CFAP47: variants seen among roughly 807,000 people sequenced by gnomAD.
CFAP47 encodes cilia and flagella associated protein 47.
CFAP47 carries 29 observed loss-of-function variants against 148.1 expected under a neutral mutation model. That is an observed-to-expected ratio of 0.20 (90% CI 0.15 to 0.27). CFAP47 has a LOEUF of 0.27. CFAP47 is among the 10% of genes least tolerant of loss of function. The pLI, the probability that CFAP47 is intolerant of heterozygous loss-of-function variation, is 1.00. For missense variants in CFAP47, 1,872 were observed against 1,697.5 expected, an observed-to-expected ratio of 1.10 and a Z score of -1.81; for synonymous variants, 664 against 577.3, an observed-to-expected ratio of 1.15 and a Z score of -2.15.
At chrX:36,150,294 C>T (rs1939292747) in intron 37 of CFAP47, among the ~76,000 whole-genome samples, 2 of 111,522 alleles carry the variant, frequency 1.8e-5, no homozygotes, top group African/African-American at 6.5e-5. Context: ...GTGAGTCTTC[C>T]CAGATCAACA....
chrX:35,943,991 A>G (rs1455295744), intron 3 of CFAP47, among the ~76,000 whole-genome samples: 2 of 111,291 alleles, frequency 1.8e-5, no homozygotes, highest in African/African-American at 3.3e-5. Context: ...AGAGCCTTAC[A>G]TATCATTTCT....
chrX:36,326,569 T>A (rs911605384), intron 57 of CFAP47, among the ~76,000 whole-genome samples: 2 of 111,668 alleles, frequency 1.8e-5, no homozygotes, highest in Non-Finnish European at 3.8e-5. Flanking sequence ...GAGGAACTTA[T>A]TAGGAACTGG....
At chrX:36,027,787 G>A (rs1036805417) in intron 22 of CFAP47, among the ~76,000 whole-genome samples, 2 of 111,383 alleles carry the variant, frequency 1.8e-5, no homozygotes, top group Non-Finnish European at 3.8e-5. Context: ...GTATATAAGT[G>A]TTCACTTTTT....
rs73468992 is a variant in CFAP47, at chrX:36,072,416, G to A, written c.4465+445G>A. On this transcript the variant is annotated intron_variant, in intron 28 of 63. Coordinates refer to ENST00000378653, the MANE Select transcript of CFAP47 (RefSeq NM_001304548.2). ...TGCAGAACTAAGGACTTGTCTCTTC[G>A]TTGTCTAACTAACTGTAGCCAAGGT... is the stretch of plus-strand genomic sequence containing the variant. Among the ~76,000 whole-genome samples, 1,066 of 112,028 alleles carry A rather than the reference G, an allele frequency of 9.5e-3. 8 individuals carry two copies. Among genetic ancestry groups the A allele is most frequent in the African/African-American group, 0.033 (1,006 of 30,866 alleles).
intron 21 of CFAP47, 62 bp from the exon 22 acceptor site, chrX:36,014,712 A>G: frequency 3.5e-6 from 1 of 285,625 alleles, no homozygotes; most frequent in Admixed American, 6.2e-5. Context: ...TGGCTAAATA[A>G]ATAGTATCCC....
Position 35,975,253 on chromosome X carries a change from T to C in CFAP47, c.2361T>C (p.Thr787=), listed in dbSNP as rs1397450762. The change falls in exon 14 of 64, where the codon ACT becomes ACC. Residue 787 remains threonine, a synonymous_variant. Coordinates refer to ENST00000378653, the MANE Select transcript of CFAP47 (RefSeq NM_001304548.2). ...LPMHVLLQLD[T]DLEELQKTNQ... is the part of the protein sequence containing the mutation. ...TGCATGTTTTGCTCCAGTTAGATAC[T>C]GATTTAGAAGAACTTCAGAAGACCA... 1 of 1,200,229 alleles carries C rather than the reference T, an allele frequency of 8.3e-7. No homozygotes were observed. Among genetic ancestry groups the C allele is most frequent in the Non-Finnish European group, 1.1e-6 (1 of 885,492 alleles).
At chrX:36,350,001 C>T (rs1556017194) in intron 58 of CFAP47, 37 bp from the exon 59 acceptor site, 1 of 847,320 alleles carries the variant, frequency 1.2e-6, no homozygotes, top group South Asian at 2.5e-5. Flanking sequence ...TGGAGTTTCT[C>T]CTTTTGTTCC....
intron 60 of CFAP47, among the ~76,000 whole-genome samples, chrX:36,359,890 A>G (rs1411610069): frequency 9.0e-6 from 1 of 111,027 alleles, no homozygotes; most frequent in Non-Finnish European, 1.9e-5. Context: ...AGCTGGGACT[A>G]CAGGTGCCCG....
Position 36,228,702 on chromosome X carries a change from T to A in CFAP47, c.6892T>A (p.Leu2298Met). 1.9e-6 allele frequency: 1 copy of A among 525,504 alleles called. No individual in the cohort carries two copies. The highest frequency in any genetic ancestry group is 3.5e-6 in the Non-Finnish European group (1 of 286,467). The allele number at this position is 525,504 out of a possible 1,213,427, so 43.3% of individuals were successfully genotyped here. ...QSGRYPCKIL[L>M]KSRYDVRAYY... ...TGGACGCTACCCTTGTAAAATTTTA[T>A]TGAAATCAAGGTATGATGTGCGTGC... Residue 2298 changes from leucine (L) to methionine (M), a missense_variant, in exon 46 of 64, where the codon TTG (leucine) becomes ATG (methionine). Leu to Met is a conservative substitution (Grantham distance 15, BLOSUM62 2). Coordinates refer to ENST00000378653, the MANE Select transcript of CFAP47 (RefSeq NM_001304548.2).
chrX:35,998,378 C>G (rs1426918757), intron 19 of CFAP47, among the ~76,000 whole-genome samples: 1 of 111,410 alleles, frequency 9.0e-6, no homozygotes, highest in East Asian at 2.8e-4. Flanking sequence ...AAGAAACTTT[C>G]CTTGATTCTT....
chrX:36,329,127 A>C (rs1232683724), intron 57 of CFAP47, among the ~76,000 whole-genome samples: 1 of 111,656 alleles, frequency 9.0e-6, no homozygotes, highest in Non-Finnish European at 1.9e-5. Context: ...TATTAAATAC[A>C]AACAGAAAAT....
At chrX:36,053,624 G>T (rs1937532004) in intron 26 of CFAP47, among the ~76,000 whole-genome samples, 1 of 111,445 alleles carries the variant, frequency 9.0e-6, no homozygotes, top group Non-Finnish European at 1.9e-5. Context: ...GTTTGTAATG[G>T]CACCTTCATC....
intron 48 of CFAP47, among the ~76,000 whole-genome samples, chrX:36,247,454 T>C (rs1259576437): frequency 9.0e-6 from 1 of 110,853 alleles, no homozygotes; most frequent in East Asian, 2.8e-4. Flanking sequence ...AACTTAAAAA[T>C]TAATAATTAT....
In CFAP47 at chrX:36,287,429, T is replaced by G. The variant is rs782098890; in HGVS notation, c.7686+1703T>G. ...TATATATTTCTAATTGCTATCATTT[T>G]TGCTTTTATTATTCGTTATGAACAG... is the stretch of plus-strand genomic sequence containing the variant. On this transcript the variant is annotated intron_variant, in intron 51 of 63. Transcript: ENST00000378653. Among the ~76,000 whole-genome samples the G allele has an allele frequency of 6.4e-3, 718 of 111,909 alleles. 1 individual carries two copies. Among genetic ancestry groups the G allele is most frequent in the African/African-American group, 0.022 (689 of 30,872 alleles).
chrX:35,938,336 G>C (rs1274969146), intron 2 of CFAP47, among the ~76,000 whole-genome samples: 2 of 110,128 alleles, frequency 1.8e-5, no homozygotes, highest in Non-Finnish European at 3.8e-5. Flanking sequence ...GTCTATATAG[G>C]TATATGTACA....
intron 32 of CFAP47, among the ~76,000 whole-genome samples, chrX:36,100,222 C>T (rs1938351058): frequency 9.0e-6 from 1 of 111,613 alleles, no homozygotes; most frequent in Admixed American, 9.6e-5. Context: ...TTCAGTCATA[C>T]AGTCATATCT....
intron 48 of CFAP47, among the ~76,000 whole-genome samples, chrX:36,239,697 G>A (rs1448565843): frequency 3.6e-5 from 4 of 111,752 alleles, no homozygotes; most frequent in African/African-American, 1.3e-4. Flanking sequence ...CTAAAAACTT[G>A]AAAGGAAGAT....
intron 1 of CFAP47, among the ~76,000 whole-genome samples, chrX:35,925,050 T>C (rs1935715698): frequency 9.0e-6 from 1 of 111,464 alleles, no homozygotes; most frequent in Non-Finnish European, 1.9e-5. Flanking sequence ...GGTGATCTAT[T>C]GTACAGCAAG....
At chrX:36,180,601 GTA>G (rs1487863006) in intron 40 of CFAP47, among the ~76,000 whole-genome samples, 1 of 111,990 alleles carries the variant, frequency 8.9e-6, no homozygotes, top group African/African-American at 3.2e-5. Flanking sequence ...ATTAAAATGA[GTA>G]TAGTTTTTAT....
Sources: gnomAD v4.1 joint callset for allele counts (sites outside exome capture counted in the v4.1 genomes callset) on GRCh38, gnomAD v4.1.1 for gene constraint, MANE v1.5 for transcripts, NCBI Gene and HGNC (gene_info 2026-07-23, HGNC 2026-07-21) for gene names.